The following PTPRD variants were observed in gnomAD, a reference collection of about 807,000 sequenced individuals.
PTPRD encodes protein tyrosine phosphatase receptor type D, also known as receptor-type tyrosine-protein phosphatase delta.
PTPRD carries 34 observed loss-of-function variants against 214.5 expected under a neutral mutation model. That is an observed-to-expected ratio of 0.16 (90% CI 0.12 to 0.21). PTPRD has a LOEUF of 0.21. PTPRD is among the 10% of genes least tolerant of loss of function. The pLI, the probability that PTPRD is intolerant of heterozygous loss-of-function variation, is 1.00. For synonymous variants in PTPRD, 1,128 were observed against 845.7 expected (o/e 1.33, Z -5.79); for missense variants, 2,545 against 2,398.7 (o/e 1.06, Z -1.27).
chr9:10,602,010 G>A (rs942308044), intron 2 of PTPRD, among the ~76,000 whole-genome samples: 2 of 151,794 alleles, frequency 1.3e-5, no homozygotes, highest in Non-Finnish European at 2.9e-5. Flanking sequence ...CTGAAAGGAA[G>A]AGATTTGGTG....
intron 30 of PTPRD, among the ~76,000 whole-genome samples, chr9:8,471,848 T>G (rs952600843): frequency 1.3e-5 from 2 of 152,220 alleles, no homozygotes; most frequent in African/African-American, 4.8e-5. Flanking sequence ...TAAAGCTGTT[T>G]TGTCACTTCA....
At chr9:8,387,027 C>G (rs925388180) in intron 37 of PTPRD, among the ~76,000 whole-genome samples, 2 of 152,132 alleles carry the variant, frequency 1.3e-5, no homozygotes, top group African/African-American at 2.4e-5. Flanking sequence ...GTGGCTGAGA[C>G]TCCCCAAATG....
intron 3 of PTPRD, among the ~76,000 whole-genome samples, chr9:10,337,335 C>T (rs1436509732): frequency 2.0e-5 from 3 of 151,558 alleles, no homozygotes; most frequent in Non-Finnish European, 4.4e-5. Context: ...TACAGATATG[C>T]TATTCAACGT....
In PTPRD at chr9:8,769,619, G is replaced by T. The variant is rs188587024; in HGVS notation, c.-103-35673C>A. Among the ~76,000 whole-genome samples, 29 of 152,136 alleles carry T rather than the reference G, an allele frequency of 1.9e-4. 1 individual carries two copies. In the East Asian group the frequency reaches 5.4e-3, roughly 28 times the overall value. ...CTGAATACCAATTGCAAAGTAACAG[G>T]TTTCTCTCTAAACATCAGCCCTCAG... On this transcript the variant is annotated intron_variant, in intron 11 of 45. Transcript: ENST00000381196.
Position 10,119,171 on chromosome 9 carries a change from C to A in PTPRD, c.-544-85381G>T, listed in dbSNP as rs543031890. Reference sequence around the variant, plus strand: ...TTCCATAAGAAGGATAACTACTATTCATTGAGGTGATTGGCACAGAGCTAA... The same window carrying A: ...TTCCATAAGAAGGATAACTACTATTAATTGAGGTGATTGGCACAGAGCTAA... On this transcript the variant is annotated intron_variant, in intron 3 of 45. Transcript: ENST00000381196. Among the ~76,000 whole-genome samples the A allele has an allele frequency of 5.9e-5, 9 of 152,050 alleles. No homozygotes were observed. The South Asian group carries it at 1.7e-3, about 28-fold the overall frequency.
chr9:10,032,451 C>G (rs1222306643), intron 4 of PTPRD, among the ~76,000 whole-genome samples: 1 of 152,146 alleles, frequency 6.6e-6, no homozygotes, highest in Non-Finnish European at 1.5e-5. Flanking sequence ...CTTCAATTCT[C>G]TATAACTACC....
At chr9:9,744,230 T>C (rs1481264603) in intron 6 of PTPRD, among the ~76,000 whole-genome samples, 1 of 152,170 alleles carries the variant, frequency 6.6e-6, no homozygotes, top group Non-Finnish European at 1.5e-5. Flanking sequence ...CGTGCAATTA[T>C]CTACAAGTCT....
At chr9:9,376,276 G>C (rs991976593) in intron 9 of PTPRD, among the ~76,000 whole-genome samples, 2 of 152,084 alleles carry the variant, frequency 1.3e-5, no homozygotes, top group Non-Finnish European at 2.9e-5. Context: ...ACAAATGCCT[G>C]GATGACCACT....
At chr9:8,673,483 G>T (rs182835109) in intron 12 of PTPRD, among the ~76,000 whole-genome samples, 1 of 152,036 alleles carries the variant, frequency 6.6e-6, no homozygotes, top group Non-Finnish European at 1.5e-5. Flanking sequence ...TACTATAAAA[G>T]AAAATATGAA....
At chr9:10,354,318 T>C (rs1234768373) in intron 2 of PTPRD, among the ~76,000 whole-genome samples, 1 of 152,204 alleles carries the variant, frequency 6.6e-6, no homozygotes, top group Non-Finnish European at 1.5e-5. Flanking sequence ...TATCTCTATG[T>C]ATATCAAATA....
chr9:8,351,541 G>C (rs1441919122), intron 39 of PTPRD, among the ~76,000 whole-genome samples: 1 of 151,804 alleles, frequency 6.6e-6, no homozygotes, highest in Non-Finnish European at 1.5e-5. Context: ...AAGACACAGA[G>C]AGAAAAGATG....
At chr9:9,762,657 A>G (rs972810009) in intron 6 of PTPRD, among the ~76,000 whole-genome samples, 1 of 152,224 alleles carries the variant, frequency 6.6e-6, no homozygotes, top group Non-Finnish European at 1.5e-5. Context: ...ATTCTCTTCC[A>G]GTTTACACTG....
At chr9:9,759,555 C>CTTTTTTTTTTGTTTTTTTTTTTTTT (rs2098631693) in intron 6 of PTPRD, among the ~76,000 whole-genome samples, 1 of 117,854 alleles carries the variant, frequency 8.5e-6, no homozygotes, top group East Asian at 3.4e-4. Context: ...CAAGGTCTGT[C>CTTTTTTTTTTGTTTTTTTTTTTTTT]TTTTTTTTTT....
chr9:10,318,362 TC>T (rs2096485919), intron 3 of PTPRD, among the ~76,000 whole-genome samples: 1 of 152,024 alleles, frequency 6.6e-6, no homozygotes, highest in Non-Finnish European at 1.5e-5. Context: ...TTAACTTTAA[TC>T]CTTATGACCA....
chr9:10,518,784 G>A (rs2051068883), intron 2 of PTPRD, among the ~76,000 whole-genome samples: 1 of 151,360 alleles, frequency 6.6e-6, no homozygotes, highest in East Asian at 1.9e-4. Context: ...TGCCCGCCTT[G>A]GCCTCCCAAA....
chr9:9,865,355 T>C (rs2063709287), intron 5 of PTPRD, among the ~76,000 whole-genome samples: 1 of 152,186 alleles, frequency 6.6e-6, no homozygotes. Flanking sequence ...GATGGATTAA[T>C]CTATTCCCAG....
intron 5 of PTPRD, among the ~76,000 whole-genome samples, chr9:9,771,780 A>T (rs887149511): frequency 2.6e-5 from 4 of 152,190 alleles, no homozygotes; most frequent in African/African-American, 9.7e-5. Context: ...TAAGAAATCA[A>T]ATAAAATTAT....
chr9:9,692,678 T>C (rs1282727455), intron 7 of PTPRD, among the ~76,000 whole-genome samples: 1 of 151,792 alleles, frequency 6.6e-6, no homozygotes, highest in African/African-American at 2.4e-5. Context: ...GTCATTGGTA[T>C]TGTGATAAGA....
At chr9:10,256,117 T>C (rs1346681757) in intron 3 of PTPRD, among the ~76,000 whole-genome samples, 2 of 152,236 alleles carry the variant, frequency 1.3e-5, no homozygotes, top group African/African-American at 4.8e-5. Flanking sequence ...CCTGATGATC[T>C]GTGGTGGAAC....
Sources: allele counts gnomAD v4.1 joint callset (sites outside exome capture counted in the v4.1 genomes callset), GRCh38; gene constraint gnomAD v4.1.1; transcripts MANE v1.5; gene names NCBI Gene and HGNC (gene_info 2026-07-23, HGNC 2026-07-21).